Variants in IFT70A observed in about 807,000 individuals in gnomAD.
IFT70A encodes intraflagellar transport 70A, also known as intraflagellar transport protein 70A.
the IFT70A span, chr2:177,615,438 T>A: frequency 6.6e-6 from 1 of 152,022 alleles, no homozygotes; most frequent in Non-Finnish European, 1.5e-5. Context: ...TATTAATTTA[T>A]GCGCAACCAT....
At chr2:177,615,980 T>G in the IFT70A span, 2 of 152,092 alleles carry the variant, frequency 1.3e-5, no homozygotes, top group Non-Finnish European at 2.9e-5. Flanking sequence ...GGAGGCAAAA[T>G]CATTTCTGTA....
the IFT70A span, chr2:177,613,250 A>T: frequency 1.2e-4 from 18 of 152,150 alleles, no homozygotes; most frequent in African/African-American, 3.9e-4. Context: ...CTACAGAAAA[A>T]TTTTTTGCCT....
chr2:177,614,711 T>C, the IFT70A span: 1 of 152,124 alleles, frequency 6.6e-6, no homozygotes, highest in Non-Finnish European at 1.5e-5. Context: ...TATAATTCTA[T>C]AATTGACAAA....
the IFT70A span, chr2:177,616,048 TCAAC>T: frequency 6.6e-6 from 1 of 152,022 alleles, no homozygotes; most frequent in Non-Finnish European, 1.5e-5. Flanking sequence ...AAGCAACCAA[TCAAC>T]CAAATTATGA....
At chr2:177,614,566 G>C in the IFT70A span, 2 of 152,166 alleles carry the variant, frequency 1.3e-5, no homozygotes, top group South Asian at 4.2e-4. Flanking sequence ...TTGCAAAAAT[G>C]CATTTTTAAA....
At chr2:177,618,008 C>T in the IFT70A span, 9 of 1,614,104 alleles carry the variant, frequency 5.6e-6, no homozygotes, top group African/African-American at 1.3e-5. Context: ...TCAAAGCCCT[C>T]GGTGGTCATG....
the IFT70A span, chr2:177,618,457 C>A: frequency 1.9e-6 from 3 of 1,597,848 alleles, no homozygotes; most frequent in Non-Finnish European, 2.6e-6. Context: ...CTGGTACAGG[C>A]GGTACTGCTC....
the IFT70A span, chr2:177,618,645 G>C: frequency 1.2e-6 from 2 of 1,608,262 alleles, no homozygotes; most frequent in Non-Finnish European, 1.7e-6. Context: ...GGATGAGCCG[G>C]TACACTAGCG....
At chr2:177,617,957 C>A in the IFT70A span, 5 of 1,614,166 alleles carry the variant, frequency 3.1e-6, no homozygotes, top group Non-Finnish European at 4.2e-6. Context: ...TCCACCAGAG[C>A]AGTCTGATGG....
At chr2:177,617,186 C>T in the IFT70A span, 1 of 1,610,026 alleles carries the variant, frequency 6.2e-7, no homozygotes, top group Non-Finnish European at 8.5e-7. Flanking sequence ...ATATAGGAAA[C>T]ACAGAGATTA....
At chr2:177,616,665 T>A in the IFT70A span, 2 of 1,472,582 alleles carry the variant, frequency 1.4e-6, no homozygotes, top group South Asian at 3.1e-5. Context: ...GTGTGGTACG[T>A]AAGAAAGCCA....
the IFT70A span, chr2:177,616,847 A>C: frequency 6.3e-6 from 10 of 1,596,950 alleles, no homozygotes; most frequent in South Asian, 1.1e-4. Context: ...TAAAGTTCAC[A>C]GTGTCCTAAA....
At chr2:177,614,865 G>A in the IFT70A span, 2 of 152,192 alleles carry the variant, frequency 1.3e-5, no homozygotes, top group Non-Finnish European at 2.9e-5. Flanking sequence ...AACACTCCAA[G>A]AGAAAGCTTT....
At chr2:177,614,504 T>C in the IFT70A span, 4 of 152,188 alleles carry the variant, frequency 2.6e-5, no homozygotes, top group Non-Finnish European at 4.4e-5. Flanking sequence ...TAAAATTTTT[T>C]CTGGCATTAC....
At chr2:177,617,799 C>T in the IFT70A span, 1 of 1,614,136 alleles carries the variant, frequency 6.2e-7, no homozygotes, top group Non-Finnish European at 8.5e-7. Context: ...CTTCTGTAGG[C>T]CTGGCATCCA....
the IFT70A span, chr2:177,616,798 T>G: frequency 1.3e-6 from 2 of 1,597,510 alleles, no homozygotes; most frequent in East Asian, 4.5e-5. Context: ...TCTTTCTTCT[T>G]CGAGGGGTTG....
the IFT70A span, chr2:177,614,304 A>G: frequency 1.3e-5 from 2 of 152,312 alleles, no homozygotes; most frequent in East Asian, 1.9e-4. Flanking sequence ...AGTGTCCTCT[A>G]AAGTTGAGTA....
the IFT70A span, chr2:177,618,435 C>T: frequency 1.4e-4 from 227 of 1,609,256 alleles, no homozygotes; most frequent in East Asian, 3.6e-3. Flanking sequence ...AGGCCTTGTA[C>T]AGGGCCTGGG....
chr2:177,618,653 G>A, the IFT70A span: 1 of 1,606,562 alleles, frequency 6.2e-7, no homozygotes, highest in Non-Finnish European at 8.5e-7. Flanking sequence ...CGGTACACTA[G>A]CGCGGTAAAC....
Sources: gnomAD v4.1 joint callset for allele counts on GRCh38, gnomAD v4.1.1 for gene constraint, MANE v1.5 for transcripts, NCBI Gene and HGNC (gene_info 2026-07-23, HGNC 2026-07-21) for gene names.